The following CAST variants were observed in gnomAD, a reference collection of about 807,000 sequenced individuals.
CAST encodes calpastatin.
CAST carries 76 observed loss-of-function variants against 119.6 expected under a neutral mutation model. That is an observed-to-expected ratio of 0.64 (90% confidence interval 0.53 to 0.77). CAST has a LOEUF of 0.77. Among genes scored for constraint, CAST ranks in the 30% least tolerant of loss-of-function variants. The pLI, the probability that CAST is intolerant of heterozygous loss-of-function variation, is 0.00. For synonymous variants in CAST, 319 were observed against 331.6 expected, an observed-to-expected ratio of 0.96 and a Z score of 0.41; for missense variants, 953 against 946.5, an observed-to-expected ratio of 1.01 and a Z score of -0.09.
chr5:96,595,639 G>T (rs1036735457), intron 1 of CAST, among the ~76,000 whole-genome samples: 3 of 152,184 alleles, frequency 2.0e-5, no homozygotes, highest in African/African-American at 4.8e-5. Flanking sequence ...TCAGTTGGAT[G>T]ACACAGAACC....
chr5:96,156,541 A>G, the CAST span, among the ~76,000 whole-genome samples: 120 of 152,336 alleles, frequency 7.9e-4, no homozygotes, highest in Non-Finnish European at 8.1e-4. Flanking sequence ...AGAAAATGGT[A>G]CAAACTTCTG....
the CAST span, among the ~76,000 whole-genome samples, chr5:95,968,501 T>C: frequency 6.6e-6 from 1 of 152,194 alleles, no homozygotes; most frequent in Non-Finnish European, 1.5e-5. Flanking sequence ...TTCATATCTG[T>C]CGCTTATTTA....
At chr5:96,226,920 T>G in the CAST span, among the ~76,000 whole-genome samples, 2 of 152,210 alleles carry the variant, frequency 1.3e-5, no homozygotes, top group Non-Finnish European at 2.9e-5. Context: ...TTTTGCATGG[T>G]AGTTTTTAAC....
chr5:96,033,872 T>A, the CAST span, among the ~76,000 whole-genome samples: 1 of 152,124 alleles, frequency 6.6e-6, no homozygotes, highest in Non-Finnish European at 1.5e-5. Context: ...ACAACCTACA[T>A]AATGGGAGAA....
intron 3 of CAST, among the ~76,000 whole-genome samples, chr5:96,720,376 TATTC>T (rs1380950865): frequency 5.9e-5 from 9 of 152,276 alleles, no homozygotes; most frequent in African/African-American, 2.2e-4. Context: ...AATGAAAGTG[TATTC>T]ATTCATTCAC....
chr5:96,380,152 C>T, the CAST span, among the ~76,000 whole-genome samples: 1 of 152,172 alleles, frequency 6.6e-6, no homozygotes, highest in Admixed American at 6.5e-5. Flanking sequence ...TAATAATCCT[C>T]ACATGATTTG....
At chr5:96,205,824 T>C in the CAST span, among the ~76,000 whole-genome samples, 1 of 152,084 alleles carries the variant, frequency 6.6e-6, no homozygotes, top group African/African-American at 2.4e-5. Context: ...TTCCTTTGGG[T>C]ATATACCCAA....
intron 1 of CAST, among the ~76,000 whole-genome samples, chr5:96,618,642 C>A (rs1036682749): frequency 6.6e-6 from 1 of 152,054 alleles, no homozygotes; most frequent in East Asian, 1.9e-4. Flanking sequence ...GGGCTTAGCA[C>A]CTGGGCCAGC....
chr5:96,422,042 C>T, the CAST span: 15 of 782,608 alleles, frequency 1.9e-5, no homozygotes, highest in East Asian at 7.4e-5. Context: ...AAGCCTCTTA[C>T]CCTATGCCTT....
chr5:96,754,129 GA>G lies in CAST; in HGVS notation c.1596del (p.Asp533MetfsTer5), dbSNP rs1561586826. 2 of 1,613,102 alleles carry G rather than the reference GA, an allele frequency of 1.2e-6. No individual in the cohort carries two copies. Among genetic ancestry groups the G allele is most frequent in the African/African-American group, 2.7e-5 (2 of 74,920 alleles). ...DSLGKKEADP[E>X]DGKPVMDKVK... ...CCTGGGGAAAAAGGAAGCAGATCCAGAAGATGGAAAACCTGTGATGGATAAA... is the reference window on the plus strand; with the variant it reads ...CCTGGGGAAAAAGGAAGCAGATCCAGAGATGGAAAACCTGTGATGGATAAA... On this transcript the variant is annotated frameshift_variant, in exon 21 of 32. Coordinates refer to ENST00000675179, the MANE Select transcript of CAST (RefSeq NM_001750.7). LOFTEE classifies it high-confidence loss of function.
chr5:96,327,114 T>A, the CAST span, among the ~76,000 whole-genome samples: 1 of 152,212 alleles, frequency 6.6e-6, no homozygotes, highest in East Asian at 1.9e-4. Context: ...ATTCCGTGTA[T>A]GACTTTGGAC....
At chr5:96,648,924 G>C (rs1298865859) in intron 1 of CAST, among the ~76,000 whole-genome samples, 1 of 152,052 alleles carries the variant, frequency 6.6e-6, no homozygotes, top group East Asian at 1.9e-4. Flanking sequence ...TCTACCCCCA[G>C]GGCCTGGAAT....
the CAST span, among the ~76,000 whole-genome samples, chr5:96,511,348 T>G: frequency 6.6e-6 from 1 of 152,160 alleles, no homozygotes; most frequent in Non-Finnish European, 1.5e-5. Context: ...TTCATCATGT[T>G]GGCCAGGATG....
chr5:96,068,794 T>C, the CAST span, among the ~76,000 whole-genome samples: 2 of 151,376 alleles, frequency 1.3e-5, no homozygotes, highest in Non-Finnish European at 2.9e-5. Flanking sequence ...CACATGTGTG[T>C]ATATGTATAA....
chr5:96,264,909 T>G, the CAST span, among the ~76,000 whole-genome samples: 2 of 152,242 alleles, frequency 1.3e-5, no homozygotes, highest in Admixed American at 6.5e-5. Context: ...ATTCTGTGAA[T>G]GTACTCTGAT....
At chr5:96,283,658 C>A in the CAST span, among the ~76,000 whole-genome samples, 1 of 152,244 alleles carries the variant, frequency 6.6e-6, no homozygotes, top group African/African-American at 2.4e-5. Context: ...AAGGAATAAC[C>A]TGAGTCCAGC....
rs78990795 is a variant in CAST, at chr5:96,702,163, T to C, written c.210+6256T>C. 4.0e-3 allele frequency among the ~76,000 whole-genome samples: 614 copies of C among 152,322 alleles called. 24 individuals are homozygous for C. In the East Asian group the frequency reaches 0.085, roughly 21 times the overall value. ...GGTTCAGAGCCTTTAATGTGGTTGG[T>C]GTACGGCTTTTCATTTATTTTAAAA... On this transcript the variant is annotated intron_variant, in intron 3 of 31. Transcript: ENST00000675179.
the CAST span, among the ~76,000 whole-genome samples, chr5:96,222,616 G>A: frequency 3.9e-5 from 6 of 152,018 alleles, no homozygotes; most frequent in Non-Finnish European, 7.4e-5. Context: ...AATAATAGAT[G>A]CTGGTCAGGA....
the CAST span, among the ~76,000 whole-genome samples, chr5:96,089,811 T>C: frequency 6.6e-6 from 1 of 152,246 alleles, no homozygotes; most frequent in Admixed American, 6.5e-5. Context: ...CTTGTGCATA[T>C]AATTATTCTT....
Sources: allele counts gnomAD v4.1 joint callset (sites outside exome capture counted in the v4.1 genomes callset), GRCh38; gene constraint gnomAD v4.1.1; transcripts MANE v1.5; gene names NCBI Gene and HGNC (gene_info 2026-07-23, HGNC 2026-07-21).